Variants in DLL3 observed in about 807,000 individuals in gnomAD.
DLL3 encodes delta-like protein 3.
In DLL3, 49 loss-of-function variants were observed where a neutral mutation model predicts 55.0. That is an observed-to-expected ratio of 0.89 (90% CI 0.71 to 1.13). The LOEUF (loss-of-function observed/expected upper bound fraction) is 1.13. DLL3 is among the 50% of genes most tolerant of loss of function. The pLI, the probability that DLL3 is intolerant of heterozygous loss-of-function variation, is 0.00. For synonymous variants in DLL3, 421 were observed against 385.2 expected, an observed-to-expected ratio of 1.09 and a Z score of -1.09; for missense variants, 962 against 875.5, an observed-to-expected ratio of 1.10 and a Z score of -1.25.
In DLL3 at chr19:39,508,365, CTG is replaced by C; in HGVS notation, c.*109_*110del. On this transcript the variant is annotated 3_prime_UTR_variant, in exon 9 of 9. Transcript: ENST00000356433. Reference sequence around the variant, plus strand: ...TTGGAGTTCAATCTTGAAGGGGTGTCTGGGGGAACTTTACTGTTGCAAGTTGT... The same window carrying C: ...TTGGAGTTCAATCTTGAAGGGGTGTCGGGGAACTTTACTGTTGCAAGTTGT... The C allele has an allele frequency of 7.8e-7, 1 of 1,279,486 alleles. No homozygotes were observed. The highest frequency in any genetic ancestry group is 1.1e-6 in the Non-Finnish European group (1 of 880,860). The allele number at this position is 1,279,486 out of a possible 1,614,324, so 79.3% of individuals were successfully genotyped here.
At chr19:39,504,366 A>G in intron 5 of DLL3, 78 bp downstream of exon 5, 1 of 1,494,844 alleles carries the variant, frequency 6.7e-7, no homozygotes, top group Non-Finnish European at 9.2e-7. Context: ...GGGCTCCATG[A>G]GACACCAGCC....
At chr19:39,501,386 G>A (rs1033709884) in intron 3 of DLL3, among the ~76,000 whole-genome samples, 2 of 152,144 alleles carry the variant, frequency 1.3e-5, no homozygotes, top group African/African-American at 4.8e-5. Context: ...CGAATATTGA[G>A]CAGAGGTTCC....
At chr19:39,502,262 A>G (rs1202851074) in intron 3 of DLL3, among the ~76,000 whole-genome samples, 1 of 151,498 alleles carries the variant, frequency 6.6e-6, no homozygotes, top group Non-Finnish European at 1.5e-5. Flanking sequence ...ATAACTGTTT[A>G]TTTTTTATTT....
chr19:39,508,353 T>A lies in DLL3; in HGVS notation c.*96T>A. ...GCCCCAGAGGCTTTGGAGTTCAATC[T>A]TGAAGGGGTGTCTGGGGGAACTTTA... On this transcript the variant is annotated 3_prime_UTR_variant, in exon 9 of 9. Transcript: ENST00000356433. 1 of 1,413,200 alleles carries A rather than the reference T, an allele frequency of 7.1e-7. No homozygotes were observed. The highest frequency in any genetic ancestry group is 1.0e-6 in the Non-Finnish European group (1 of 1,000,138). 87.5% of individuals were successfully genotyped at this position (1,413,200 alleles called of 1,614,324 possible).
chr19:39,508,053 G>C, intron 8 of DLL3, 139 bp downstream of exon 8: 2 of 1,602,424 alleles, frequency 1.2e-6, no homozygotes, highest in South Asian at 1.1e-5. Flanking sequence ...CCCATTTTCA[G>C]TTCTAACTTA....
chr19:39,503,111 T>C, intron 4 of DLL3, 54 bp downstream of exon 4: 1 of 1,495,950 alleles, frequency 6.7e-7, no homozygotes, highest in African/African-American at 1.4e-5. Flanking sequence ...CGGCCCCTCC[T>C]GAGCGTCACT....
chr19:39,507,058 G>T lies in DLL3; in HGVS notation c.1113G>T (p.Leu371=), dbSNP rs767031027. ...PCRNGGLCLD[L]GHALRCRCRA... Reference sequence around the variant, plus strand: ...CCACAGGCGGACTCTGCCTGGACCTGGGCCACGCCCTGCGCTGCCGCTGCC... The same window carrying T: ...CCACAGGCGGACTCTGCCTGGACCTTGGCCACGCCCTGCGCTGCCGCTGCC... Residue 371 remains leucine (L), a synonymous_variant, in exon 7 of 9, where the codon CTG becomes CTT. Coordinates refer to ENST00000356433, the MANE Select transcript of DLL3 (RefSeq NM_203486.3). 1.3e-6 allele frequency: 2 copies of T among 1,539,662 alleles called. No individual in the cohort carries two copies. The highest frequency in any genetic ancestry group is 1.2e-5 in the South Asian group (1 of 84,466).
In DLL3 at chr19:39,503,070, T is replaced by C; in HGVS notation, c.652+13T>C. 2.0e-6 allele frequency: 3 copies of C among 1,521,962 alleles called. No individual in the cohort carries two copies. Among genetic ancestry groups the C allele is most frequent in the Non-Finnish European group, 2.6e-6 (3 of 1,141,428 alleles). The allele number at this position is 1,521,962 out of a possible 1,614,324, so 94.3% of individuals were successfully genotyped here. Reference sequence around the variant, plus strand: ...TGTGAGGCGCCGCGTGAGTCCTGCGTTCGACCCCACCCCGTCCCAGCCGGG... The same window carrying C: ...TGTGAGGCGCCGCGTGAGTCCTGCGCTCGACCCCACCCCGTCCCAGCCGGG... On this transcript the variant is annotated intron_variant, in intron 4 of 8. Coordinates refer to ENST00000356433, the MANE Select transcript of DLL3 (RefSeq NM_203486.3).
rs1029573395 is a variant in DLL3 at position 39,504,214 on chromosome 19, G to A, written c.796G>A (p.Ala266Thr). The part of the protein sequence containing the change: ...SCLSPRGPSS[A>T]TTGCLVPGPG... ...CCTCAGCCCCAGGGGCCCGTCCTCTGCTACCACCGGATGCCTTGTCCCTGG... is the reference window on the plus strand; with the variant it reads ...CCTCAGCCCCAGGGGCCCGTCCTCTACTACCACCGGATGCCTTGTCCCTGG... Residue 266 changes from alanine (A) to threonine (T), a missense_variant, in exon 5 of 9, where the codon GCT (alanine) becomes ACT (threonine). Transcript: ENST00000356433. 1.9e-6 allele frequency: 3 copies of A among 1,612,860 alleles called. No individual in the cohort carries two copies. The highest frequency in any genetic ancestry group is 2.5e-6 in the Non-Finnish European group (3 of 1,180,038).
rs1335766222 is a variant in DLL3, at chr19:39,503,024, T to A, written c.619T>A (p.Cys207Ser). Residue 207 changes from cysteine to serine, a missense_variant, in exon 4 of 9, where the codon TGC (cysteine) becomes AGC (serine). By Grantham distance (112) the Cys-to-Ser change is moderately radical. Transcript: ENST00000356433. ...PSRCGPGLRP[C>S]APLEDECEAP... The stretch of plus-strand genomic sequence containing the variant: ...GCGGTGCGGTCCGGGACTGCGCCCC[T>A]GCGCACCGCTCGAGGACGAATGTGA... The A allele has an allele frequency of 2.0e-6, 3 of 1,515,648 alleles. No homozygotes were observed. Among genetic ancestry groups the A allele is most frequent in the Non-Finnish European group, 2.6e-6 (3 of 1,138,758 alleles). The allele number at this position is 1,515,648 out of a possible 1,614,324, so 93.9% of individuals were successfully genotyped here.
At chr19:39,500,089 G>A (rs866883513) in intron 2 of DLL3, among the ~76,000 whole-genome samples, 1 of 151,910 alleles carries the variant, frequency 6.6e-6, no homozygotes, top group Non-Finnish European at 1.5e-5. Context: ...CCTTTTGAGC[G>A]ATTCAACCAC....
chr19:39,499,131 G>A, intron 1 of DLL3, 61 bp from the exon 2 acceptor site: 4 of 1,609,820 alleles, frequency 2.5e-6, no homozygotes, highest in Non-Finnish European at 3.4e-6. Flanking sequence ...GAAGGAGCGT[G>A]GGGCGGACGG....
In DLL3 at chr19:39,507,189, G is replaced by A; in HGVS notation, c.1244G>A (p.Cys415Tyr). Residue 415 changes from cysteine (C) to tyrosine (Y), a missense_variant, in exon 7 of 9, where the codon TGC becomes TAC. Coordinates refer to ENST00000356433, the MANE Select transcript of DLL3 (RefSeq NM_203486.3). ...GTGGAGGGCGGCGGCGCGCACCGCT[G>A]CTCCTGCGCGCTGGGCTTCGGCGGC... Reference protein sequence around the residue: ...TCVEGGGAHRCSCALGFGGRD... With the variant: ...TCVEGGGAHRYSCALGFGGRD... 7.6e-7 allele frequency: 1 copy of A among 1,319,060 alleles called. No individual in the cohort carries two copies. The highest frequency in any genetic ancestry group is 9.6e-7 in the Non-Finnish European group (1 of 1,044,572). The allele number at this position is 1,319,060 out of a possible 1,614,324, so 81.7% of individuals were successfully genotyped here.
intron 3 of DLL3, 51 bp downstream of exon 3, chr19:39,500,723 C>G (rs372367758): frequency 1.5e-4 from 234 of 1,534,572 alleles, no homozygotes; most frequent in Admixed American, 4.0e-4. Flanking sequence ...CCACGTGAGA[C>G]ACGGGGTTGG....
At chr19:39,507,964 G>A (rs1848305933) in intron 8 of DLL3, 50 bp downstream of exon 8, 9 of 1,613,966 alleles carry the variant, frequency 5.6e-6, no homozygotes, top group Non-Finnish European at 6.8e-6. Context: ...GCTGGGCAGA[G>A]GCAGCACCTG....
rs34936989 is a variant in DLL3 at position 39,500,432 on chromosome 19, C to A, written c.352-183C>A. Among the ~76,000 whole-genome samples the A allele has an allele frequency of 0.13, 16,059 of 121,882 alleles. 990 individuals carry two copies. The highest frequency in any genetic ancestry group is 0.14 in the African/African-American group (4,322 of 30,778). 80.0% of individuals were successfully genotyped at this position (121,882 alleles called of 152,430 possible). A position where few individuals can be genotyped will look rare whatever the true frequency, so the allele number is the denominator to read the frequency against. On this transcript the variant is annotated intron_variant, in intron 2 of 8. Transcript: ENST00000356433. Reference sequence around the variant, plus strand: ...CAAAGTGAGATTCTCCCCCCCCCCCCAAAAAAAAGCCACAGATGTCATTCC... The same window carrying A: ...CAAAGTGAGATTCTCCCCCCCCCCCAAAAAAAAAGCCACAGATGTCATTCC...
chr19:39,508,181 T>A, intron 8 of DLL3, 71 bp from the exon 9 acceptor site: 3 of 1,614,152 alleles, frequency 1.9e-6, no homozygotes. Flanking sequence ...TTCCACTGAT[T>A]GTACTCAGCG....
At chr19:39,503,107 C>T (rs2079620937) in intron 4 of DLL3, 50 bp downstream of exon 4, 3 of 1,506,560 alleles carry the variant, frequency 2.0e-6, no homozygotes, top group African/African-American at 1.4e-5. Flanking sequence ...ACCCCGGCCC[C>T]TCCTGAGCGT....
At chr19:39,505,558 G>C in intron 6 of DLL3, 107 bp downstream of exon 6, 2 of 1,261,136 alleles carry the variant, frequency 1.6e-6, no homozygotes. Context: ...CTAGGGCCTG[G>C]GGACCTGACC....
Sources: allele counts gnomAD v4.1 joint callset (sites outside exome capture counted in the v4.1 genomes callset), GRCh38; gene constraint gnomAD v4.1.1; transcripts MANE v1.5; gene names NCBI Gene and HGNC (gene_info 2026-07-23, HGNC 2026-07-21).